Variants in FBN2 observed in about 807,000 individuals in gnomAD.
FBN2 encodes fibrillin 2, also known as fibrillin-2.
A neutral mutation model predicts 355.6 loss-of-function variants in FBN2; 105 were observed. The ratio of observed to expected loss-of-function variants is 0.30; its 90% CI spans 0.25 to 0.35. FBN2 has a LOEUF of 0.35. Ranked by LOEUF, FBN2 falls within the 10% of genes least tolerant of loss-of-function variation. The pLI, the probability that FBN2 is intolerant of heterozygous loss-of-function variation, is 1.00. For missense variants in FBN2, 3,280 were observed against 3,758.7 expected (o/e 0.87, Z 3.33); for synonymous variants, 1,350 against 1,301.2 (o/e 1.04, Z -0.81).
intron 5 of FBN2, among the ~76,000 whole-genome samples, chr5:128,467,945 G>A (rs769118940): frequency 6.6e-6 from 1 of 152,050 alleles, no homozygotes; most frequent in South Asian, 2.1e-4. Context: ...TTGTTTTGTT[G>A]TTTCAAATAA....
At chr5:128,395,811 G>C (rs1483630686) in intron 8 of FBN2, among the ~76,000 whole-genome samples, 2 of 152,208 alleles carry the variant, frequency 1.3e-5, no homozygotes, top group Non-Finnish European at 2.9e-5. Flanking sequence ...AAGGGAAAGT[G>C]CAGGAGCATG....
intron 20 of FBN2, among the ~76,000 whole-genome samples, chr5:128,355,236 G>C (rs1379891688): frequency 6.6e-6 from 1 of 152,152 alleles, no homozygotes; most frequent in Non-Finnish European, 1.5e-5. Flanking sequence ...CAGCAGAGTG[G>C]TCACAGCCAT....
rs1158177365 is a variant in FBN2, at chr5:128,336,077, C to T, written c.3635G>A (p.Arg1212Lys). The change falls in exon 28 of 65, where the codon AGA becomes AAA. Residue 1212 changes from arginine to lysine, a missense_variant. Transcript: ENST00000262464. Reference sequence around the variant, plus strand: ...AATCATGTTCACACATTTTCCATTTCTGCAGAGATTGTCACTCAGGGAGCA... The same window carrying T: ...AATCATGTTCACACATTTTCCATTTTTGCAGAGATTGTCACTCAGGGAGCA... ...NECSLSDNLC[R>K]NGKCVNMIGT... The T allele has an allele frequency of 1.2e-6, 2 of 1,613,654 alleles. No homozygotes were observed. Among genetic ancestry groups the T allele is most frequent in the Non-Finnish European group, 1.7e-6 (2 of 1,179,612 alleles).
rs779972042 is a variant in FBN2 at position 128,508,497 on chromosome 5, A to G, written c.628+10776T>C. Among the ~76,000 whole-genome samples the G allele has an allele frequency of 2.2e-4, 34 of 152,146 alleles. 1 individual carries two copies. The Middle Eastern group carries it at 0.017, about 76-fold the overall frequency. On this transcript the variant is annotated intron_variant, in intron 5 of 64. Coordinates refer to ENST00000262464, the MANE Select transcript of FBN2 (RefSeq NM_001999.4). ...ATCTTCAAGTAACATAATTCTTGACATATAGTATAGGCACATCCCAGCCTC... is the reference window on the plus strand; with the variant it reads ...ATCTTCAAGTAACATAATTCTTGACGTATAGTATAGGCACATCCCAGCCTC...
At chr5:128,445,040 T>G (rs1403492690) in intron 7 of FBN2, among the ~76,000 whole-genome samples, 1 of 152,172 alleles carries the variant, frequency 6.6e-6, no homozygotes, top group Admixed American at 6.5e-5. Flanking sequence ...TTTCTGCAGA[T>G]CCCTGAGTTT....
intron 52 of FBN2, 148 bp from the exon 53 acceptor site, chr5:128,288,705 C>T: frequency 2.3e-6 from 2 of 887,578 alleles, no homozygotes; most frequent in Non-Finnish European, 3.7e-6. Flanking sequence ...GGCTGGCTGG[C>T]AGCTATGTAG....
chr5:128,464,833 G>T lies in FBN2; in HGVS notation c.717C>A (p.Cys239Ter). The T allele has an allele frequency of 6.2e-7, 1 of 1,614,254 alleles. No individual in the cohort carries two copies. Among genetic ancestry groups the T allele is most frequent in the Non-Finnish European group, 8.5e-7 (1 of 1,180,044 alleles). Residue 239 changes from cysteine to a stop codon, truncating the protein, a stop_gained, in exon 6 of 65, where the codon TGC (cysteine) becomes TGA (stop). Transcript: ENST00000262464. LOFTEE classifies it high-confidence loss of function. ...CCCACGCCCGTCCAATGGTGGCACA[G>T]CACAGAGTCTTCGTGCAGACAATGC... ...LTGIVCTKTL[C>*]CATIGRAWGH...
At chr5:128,516,815 T>C (rs1756292949) in intron 5 of FBN2, among the ~76,000 whole-genome samples, 1 of 152,282 alleles carries the variant, frequency 6.6e-6, no homozygotes, top group African/African-American at 2.4e-5. Flanking sequence ...ACAGACACAA[T>C]GTTTCTTGAA....
chr5:128,367,933 G>A (rs1041320136), intron 16 of FBN2, among the ~76,000 whole-genome samples: 1 of 150,996 alleles, frequency 6.6e-6, no homozygotes, highest in Non-Finnish European at 1.5e-5. Context: ...TTATTTCCAC[G>A]TTTGAAGACT....
At chr5:128,491,908 A>T (rs1755515396) in intron 5 of FBN2, among the ~76,000 whole-genome samples, 1 of 151,986 alleles carries the variant, frequency 6.6e-6, no homozygotes, top group Non-Finnish European at 1.5e-5. Context: ...TCTTTTTCAA[A>T]CTCCTTCTAA....
intron 34 of FBN2, among the ~76,000 whole-genome samples, chr5:128,323,573 G>A (rs891108149): frequency 2.6e-5 from 4 of 152,154 alleles, no homozygotes; most frequent in African/African-American, 9.7e-5. Context: ...CATTGGTTCT[G>A]TTTATGTGAT....
chr5:128,449,781 T>C (rs1052565378), intron 6 of FBN2, among the ~76,000 whole-genome samples: 4 of 151,924 alleles, frequency 2.6e-5, no homozygotes, highest in African/African-American at 9.7e-5. Flanking sequence ...AAAGCAAGAC[T>C]CAATTTTAGG....
intron 7 of FBN2, among the ~76,000 whole-genome samples, chr5:128,411,672 C>G (rs1487927996): frequency 6.6e-6 from 1 of 152,022 alleles, no homozygotes; most frequent in East Asian, 1.9e-4. Context: ...TATGGTGGGC[C>G]AGGGTGGTTT....
intron 48 of FBN2, among the ~76,000 whole-genome samples, chr5:128,295,163 T>C (rs1400067132): frequency 1.4e-5 from 2 of 147,566 alleles, no homozygotes; most frequent in African/African-American, 5.0e-5. Context: ...CGGCGTTATT[T>C]CTGAGGGCTC....
chr5:128,337,889 T>TA, intron 27 of FBN2, 108 bp downstream of exon 27: 1 of 1,246,180 alleles, frequency 8.0e-7, no homozygotes, highest in East Asian at 2.4e-5. Flanking sequence ...TTCCACCTTT[T>TA]AATAAGCTAG....
intron 6 of FBN2, among the ~76,000 whole-genome samples, chr5:128,453,993 C>T (rs1011437108): frequency 3.3e-5 from 5 of 150,072 alleles, no homozygotes; most frequent in South Asian, 2.2e-4. Flanking sequence ...ATGGCTTGCC[C>T]CCCCCCCAAG....
intron 6 of FBN2, among the ~76,000 whole-genome samples, chr5:128,462,867 G>A (rs1373076363): frequency 6.6e-6 from 1 of 152,068 alleles, no homozygotes; most frequent in East Asian, 1.9e-4. Context: ...CAATCTTAAT[G>A]TCATTTATTA....
chr5:128,359,291 A>G (rs13176006), intron 19 of FBN2, among the ~76,000 whole-genome samples: 1 of 152,096 alleles, frequency 6.6e-6, no homozygotes, highest in African/African-American at 2.4e-5. Context: ...ATTTGCAATG[A>G]ATCTGCTAAT....
chr5:128,387,686 T>C (rs1179274367), intron 11 of FBN2, among the ~76,000 whole-genome samples: 1 of 152,136 alleles, frequency 6.6e-6, no homozygotes, highest in East Asian at 1.9e-4. Flanking sequence ...ATTAAAATTT[T>C]ATTATGCTGT....
Sources: gnomAD v4.1 joint callset for allele counts (sites outside exome capture counted in the v4.1 genomes callset) on GRCh38, gnomAD v4.1.1 for gene constraint, MANE v1.5 for transcripts, NCBI Gene and HGNC (gene_info 2026-07-23, HGNC 2026-07-21) for gene names.